The following ANKIB1 variants were observed in gnomAD, a reference collection of about 807,000 sequenced individuals.
The protein encoded by ANKIB1 is ankyrin repeat and IBR domain-containing protein 1.
A neutral mutation model predicts 122.1 loss-of-function variants in ANKIB1; 43 were observed. That is an observed-to-expected ratio of 0.35 (90% CI 0.28 to 0.45). ANKIB1 has a LOEUF of 0.45. Ranked by LOEUF, ANKIB1 falls within the 20% of genes least tolerant of loss-of-function variation. The pLI is 1.00. For missense variants in ANKIB1, 992 were observed against 1,329.5 expected (o/e 0.75, Z 3.95); for synonymous variants, 390 against 442.0 (o/e 0.88, Z 1.48).
At chr7:92,390,207 G>T in intron 15 of ANKIB1, 91 bp downstream of exon 15, 1 of 938,748 alleles carries the variant, frequency 1.1e-6, no homozygotes, top group South Asian at 2.2e-5. Flanking sequence ...ATTTAATGTG[G>T]ACATGATTAC....
At chr7:92,293,052 G>A (rs1187778362) in intron 1 of ANKIB1, among the ~76,000 whole-genome samples, 1 of 152,188 alleles carries the variant, frequency 6.6e-6, no homozygotes, top group African/African-American at 2.4e-5. Context: ...TGCTGCTATA[G>A]TAAGTAGGTA....
At chr7:92,355,408 C>A (rs1208879343) in intron 9 of ANKIB1, among the ~76,000 whole-genome samples, 2 of 152,130 alleles carry the variant, frequency 1.3e-5, no homozygotes, top group African/African-American at 4.8e-5. Flanking sequence ...GGTATGGTGG[C>A]CATTTCTTTC....
chr7:92,269,394 A>G (rs1488012379), intron 1 of ANKIB1, among the ~76,000 whole-genome samples: 2 of 152,220 alleles, frequency 1.3e-5, no homozygotes, highest in African/African-American at 4.8e-5. Context: ...TCTTTGTATT[A>G]TGTTGTGATT....
chr7:92,322,372 A>G (rs1286758208), intron 4 of ANKIB1, among the ~76,000 whole-genome samples: 1 of 152,150 alleles, frequency 6.6e-6, no homozygotes, highest in Non-Finnish European at 1.5e-5. Flanking sequence ...TGCTAATTCT[A>G]TAGGAAAAAC....
chr7:92,311,367 C>G (rs1365659273), intron 3 of ANKIB1, among the ~76,000 whole-genome samples: 1 of 152,104 alleles, frequency 6.6e-6, no homozygotes, highest in African/African-American at 2.4e-5. Context: ...AATAGATGAT[C>G]TCAAATTTAT....
intron 12 of ANKIB1, among the ~76,000 whole-genome samples, chr7:92,386,920 C>T (rs1241326838): frequency 6.6e-6 from 1 of 152,018 alleles, no homozygotes. Context: ...TTAATATCAA[C>T]AATGCAGTAT....
chr7:92,354,048 T>C (rs1046789930), intron 9 of ANKIB1, among the ~76,000 whole-genome samples: 1 of 152,236 alleles, frequency 6.6e-6, no homozygotes, highest in Non-Finnish European at 1.5e-5. Context: ...TCTTAAGCAC[T>C]GTGGTTTCTG....
At chr7:92,278,284 A>G (rs924270472) in intron 1 of ANKIB1, among the ~76,000 whole-genome samples, 2 of 152,094 alleles carry the variant, frequency 1.3e-5, no homozygotes, top group Admixed American at 6.6e-5. Flanking sequence ...AGAATTTTTT[A>G]AAAAAGGAAA....
chr7:92,397,654 A>T (rs1211987545), intron 18 of ANKIB1, 69 bp from the exon 19 acceptor site: 4 of 1,575,590 alleles, frequency 2.5e-6, no homozygotes, highest in East Asian at 4.5e-5. Flanking sequence ...AAACAACCAG[A>T]TGTATGAAAA....
chr7:92,393,967 A>G (rs945509591), intron 17 of ANKIB1, among the ~76,000 whole-genome samples: 9 of 152,106 alleles, frequency 5.9e-5, no homozygotes, highest in Admixed American at 4.6e-4. Flanking sequence ...TTTTCAGTGA[A>G]GTTAATTTCA....
chr7:92,307,469 A>G lies in ANKIB1; in HGVS notation c.299A>G (p.His100Arg). ...PQIMISEGAL[H>R]PRLARPTEDD... Reference sequence around the variant, plus strand: ...ATTATGATATCTGAAGGAGCCCTTCATCCTCGCTTGGCACGCCCCACAGAA... The same window carrying G: ...ATTATGATATCTGAAGGAGCCCTTCGTCCTCGCTTGGCACGCCCCACAGAA... The change falls in exon 3 of 20, where the codon CAT becomes CGT. Residue 100 changes from histidine (H) to arginine (R), a missense_variant. His to Arg is a conservative substitution (Grantham distance 29). Around this residue, in one of 4 missense-constraint regions of ANKIB1, gnomAD observed 33 missense variants for 27.5 expected, o/e 1.20. Transcript: ENST00000265742. The G allele has an allele frequency of 1.2e-6, 2 of 1,613,994 alleles. No individual in the cohort carries two copies. Among genetic ancestry groups the G allele is most frequent in the African/African-American group, 1.3e-5 (1 of 75,048 alleles).
intron 1 of ANKIB1, among the ~76,000 whole-genome samples, chr7:92,292,478 G>A (rs1802269888): frequency 6.6e-6 from 1 of 151,394 alleles, no homozygotes; most frequent in Non-Finnish European, 1.5e-5. Context: ...TTTTCTTATA[G>A]AATATTTCAC....
chr7:92,398,333 T>G lies in ANKIB1; in HGVS notation c.2654T>G (p.Leu885Ter), dbSNP rs1804944377. ...TRDFLSNEAS[L>*]GAIGTSLPSR... ...GACTTCCTCAGTAATGAAGCATCCT[T>G]AGGTGCGATAGGCACTTCTTTACCT... Residue 885 changes from leucine to a stop codon, truncating the protein, a stop_gained, in exon 20 of 20, where the codon TTA becomes TGA. Coordinates refer to ENST00000265742, the MANE Select transcript of ANKIB1 (RefSeq NM_019004.2). LOFTEE classifies it high-confidence loss of function. The G allele has an allele frequency of 3.7e-6, 6 of 1,613,516 alleles. No individual in the cohort carries two copies. Among genetic ancestry groups the G allele is most frequent in the Non-Finnish European group, 5.1e-6 (6 of 1,179,744 alleles).
intron 1 of ANKIB1, among the ~76,000 whole-genome samples, chr7:92,285,274 C>A (rs1364394833): frequency 6.6e-6 from 1 of 152,180 alleles, no homozygotes; most frequent in African/African-American, 2.4e-5. Context: ...CTTGGCCTCC[C>A]AAAGTGCTAG....
At chr7:92,312,857 A>G (rs919343264) in intron 3 of ANKIB1, among the ~76,000 whole-genome samples, 2 of 152,194 alleles carry the variant, frequency 1.3e-5, no homozygotes, top group Non-Finnish European at 1.5e-5. Context: ...AAAATTTAAT[A>G]AATAATATAC....
intron 1 of ANKIB1, among the ~76,000 whole-genome samples, chr7:92,290,970 G>T (rs1222066492): frequency 1.3e-5 from 2 of 152,086 alleles, no homozygotes; most frequent in Non-Finnish European, 2.9e-5. Flanking sequence ...AGTGATTATA[G>T]AATTTATTGT....
chr7:92,365,666 G>C (rs1409863332), intron 10 of ANKIB1, among the ~76,000 whole-genome samples: 1 of 151,880 alleles, frequency 6.6e-6, no homozygotes, highest in Non-Finnish European at 1.5e-5. Flanking sequence ...TGAGAAACTA[G>C]GTAAGAATGT....
At chr7:92,307,963 G>T (rs978728675) in intron 3 of ANKIB1, among the ~76,000 whole-genome samples, 1 of 151,464 alleles carries the variant, frequency 6.6e-6, no homozygotes, top group African/African-American at 2.4e-5. Context: ...ACAGGCACGC[G>T]CCACAATTAG....
intron 7 of ANKIB1, among the ~76,000 whole-genome samples, chr7:92,349,428 C>T (rs531387083): frequency 2.0e-5 from 3 of 152,086 alleles, no homozygotes; most frequent in South Asian, 2.1e-4. Context: ...GTAAGGTTGT[C>T]GTTGCTGCTG....
Sources: gnomAD v4.1 joint callset for allele counts (sites outside exome capture counted in the v4.1 genomes callset) on GRCh38, gnomAD v4.1.1 for gene constraint, gnomAD v4.1.1 regional missense constraint, MANE v1.5 for transcripts, NCBI Gene and HGNC (gene_info 2026-07-23, HGNC 2026-07-21) for gene names.